The following SORCS2 variants were observed in gnomAD, a reference collection of about 807,000 sequenced individuals.
SORCS2 encodes sortilin related VPS10 domain containing receptor 2, also known as VPS10 domain-containing receptor SorCS2.
SORCS2 carries 100 observed loss-of-function variants against 141.6 expected under a neutral mutation model. That is an observed-to-expected ratio of 0.71 (90% CI 0.60 to 0.83). The LOEUF is 0.83. Among genes scored for constraint, SORCS2 ranks in the 40% least tolerant of loss-of-function variants. The pLI is 0.00. For missense variants in SORCS2, 1,646 were observed against 1,560.2 expected, an observed-to-expected ratio of 1.05 and a Z score of -0.93; for synonymous variants, 789 against 676.9, an observed-to-expected ratio of 1.17 and a Z score of -2.57.
At chr4:7,706,850 A>G (rs1016312820) in intron 14 of SORCS2, among the ~76,000 whole-genome samples, 1 of 152,208 alleles carries the variant, frequency 6.6e-6, no homozygotes, top group Admixed American at 6.5e-5. Context: ...CTGCAGGGCT[A>G]GAGTATGTCC....
intron 14 of SORCS2, among the ~76,000 whole-genome samples, chr4:7,705,590 C>T (rs932943889): frequency 1.3e-5 from 2 of 152,236 alleles, no homozygotes; most frequent in African/African-American, 4.8e-5. Flanking sequence ...GGGCACTGTG[C>T]CCCTCACCCT....
intron 19 of SORCS2, among the ~76,000 whole-genome samples, chr4:7,724,627 A>ATGGTGGTGGTGG (rs765534091): frequency 1.5e-5 from 1 of 67,852 alleles, no homozygotes; most frequent in South Asian, 6.6e-4. Flanking sequence ...GAGGATGGTG[A>ATGGTGGTGGTGG]TGGTGGTGAT....
Position 7,545,828 on chromosome 4 carries a change from G to A in SORCS2, c.648+14199G>A, listed in dbSNP as rs185165589. 1.6e-4 allele frequency among the ~76,000 whole-genome samples: 24 copies of A among 152,322 alleles called. No homozygotes were observed. The East Asian group carries it at 3.9e-3, about 25-fold the overall frequency. ...CGCTCTGCCTCCGTCAGCTCGGATG[G>A]CTCTCACGAAACACTCCAAACTGGG... On this transcript the variant is annotated intron_variant, in intron 3 of 26. Coordinates refer to ENST00000507866, the MANE Select transcript of SORCS2 (RefSeq NM_020777.3).
intron 1 of SORCS2, among the ~76,000 whole-genome samples, chr4:7,383,396 G>A (rs1723107494): frequency 6.6e-6 from 1 of 152,138 alleles, no homozygotes; most frequent in African/African-American, 2.4e-5. Flanking sequence ...TCCTCCCCCT[G>A]CAAGAGGCAG....
rs1721198288 is a variant in SORCS2, at chr4:7,648,127, G to C, written c.814-6007G>C. Among the ~76,000 whole-genome samples, 1 of 152,152 alleles carries C rather than the reference G, an allele frequency of 6.6e-6. No homozygotes were observed. Among genetic ancestry groups the C allele is most frequent in the African/African-American group, 2.4e-5 (1 of 41,440 alleles). ...GCAGGTGGGGTGGCGGGCACCTCTG[G>C]GATTGTGGTTGCAGGACCTGGTGGA... is the stretch of plus-strand genomic sequence containing the variant. On this transcript the variant is annotated intron_variant, in intron 4 of 26. Transcript: ENST00000507866. The surrounding 1 kb of genome is among the most constrained non-coding windows in gnomAD (Gnocchi z 4.2).
At chr4:7,289,098 C>A (rs1716438541) in intron 1 of SORCS2, among the ~76,000 whole-genome samples, 1 of 152,194 alleles carries the variant, frequency 6.6e-6, no homozygotes, top group Non-Finnish European at 1.5e-5. Flanking sequence ...AACACCTGTT[C>A]AGTTCATCCA....
intron 1 of SORCS2, among the ~76,000 whole-genome samples, chr4:7,283,505 G>C (rs1435949322): frequency 6.6e-6 from 1 of 152,150 alleles, no homozygotes; most frequent in Non-Finnish European, 1.5e-5. Flanking sequence ...AGTGATTCCA[G>C]GTTTCCCAGC....
intron 1 of SORCS2, among the ~76,000 whole-genome samples, chr4:7,236,463 G>T (rs1428834837): frequency 1.3e-5 from 2 of 152,132 alleles, no homozygotes; most frequent in African/African-American, 4.8e-5. Flanking sequence ...GACAGGAGGT[G>T]CTGGGGCAGG....
At position 7,664,484 on chromosome 4, in the gene SORCS2, C is replaced by T. The variant is rs1488387643; in HGVS notation, c.1071+13C>T. ...CATCTTCTTTAAGGTAAGGTTGCTT[C>T]TGGGGCTTTTGGAAATTGGCAACAG... On this transcript the variant is annotated intron_variant, in intron 7 of 26. Transcript: ENST00000507866. The surrounding 1 kb of genome is among the most constrained non-coding windows in gnomAD (Gnocchi z 4.7). 6.4e-7 allele frequency: 1 copy of T among 1,571,018 alleles called. No homozygotes were observed. Among genetic ancestry groups the T allele is most frequent in the East Asian group, 2.3e-5 (1 of 43,544 alleles).
chr4:7,739,208 G>T (rs1262283975), intron 26 of SORCS2, among the ~76,000 whole-genome samples: 1 of 152,228 alleles, frequency 6.6e-6, no homozygotes, highest in Non-Finnish European at 1.5e-5. Context: ...CTATACAGCT[G>T]TGTGCCCCCC....
intron 1 of SORCS2, among the ~76,000 whole-genome samples, chr4:7,337,584 G>A (rs1021151352): frequency 1.3e-5 from 2 of 152,184 alleles, no homozygotes; most frequent in Admixed American, 6.5e-5. Flanking sequence ...CAAGGCTGGT[G>A]GTAGTAGGCC....
At chr4:7,374,112 T>A (rs140274344) in intron 1 of SORCS2, among the ~76,000 whole-genome samples, 126 of 35,950 alleles carry the variant, frequency 3.5e-3, no homozygotes, top group African/African-American at 6.4e-3. Context: ...ATTGAGATTC[T>A]TTCTTTCTTT....
intron 2 of SORCS2, among the ~76,000 whole-genome samples, chr4:7,424,362 G>A (rs1337876860): frequency 6.6e-6 from 1 of 152,218 alleles, no homozygotes; most frequent in Non-Finnish European, 1.5e-5. Context: ...TCTCCAGCCT[G>A]GGCTCTCTGG....
chr4:7,538,362 C>A (rs1343536041), intron 3 of SORCS2, among the ~76,000 whole-genome samples: 1 of 152,178 alleles, frequency 6.6e-6, no homozygotes, highest in African/African-American at 2.4e-5. Flanking sequence ...GGGGCCCTGA[C>A]GACCCCCACA....
In SORCS2 at chr4:7,536,840, G is replaced by C. The variant is rs1259763403; in HGVS notation, c.648+5211G>C. ...GTCCCCATACTCAGATGTGGGGGGG[G>C]GGGGCGGGCAGGGCCCACCTCGAGG... On this transcript the variant is annotated intron_variant, in intron 3 of 26. Coordinates refer to ENST00000507866, the MANE Select transcript of SORCS2 (RefSeq NM_020777.3). Among the ~76,000 whole-genome samples the C allele has an allele frequency of 8.4e-3, 383 of 45,678 alleles. 5 individuals carry two copies. The highest frequency in any genetic ancestry group is 0.021 in the Non-Finnish European group (281 of 13,520). 30.0% of individuals were successfully genotyped at this position (45,678 alleles called of 152,430 possible).
intron 3 of SORCS2, among the ~76,000 whole-genome samples, chr4:7,556,821 A>C (rs1714153706): frequency 2.3e-5 from 3 of 131,524 alleles, no homozygotes; most frequent in African/African-American, 3.0e-5. Flanking sequence ...TCATCCATCC[A>C]TCTACCCATC....
chr4:7,739,948 G>A (rs999788655), intron 26 of SORCS2, among the ~76,000 whole-genome samples: 1 of 152,166 alleles, frequency 6.6e-6, no homozygotes, highest in Non-Finnish European at 1.5e-5. Flanking sequence ...GTGGCGGGTT[G>A]GGGCCGGCCT....
At position 7,302,766 on chromosome 4, in the gene SORCS2, C is replaced by CGT. The variant is rs766083519; in HGVS notation, c.481-93522_481-93521insGT. On this transcript the variant is annotated intron_variant, in intron 1 of 26. Coordinates refer to ENST00000507866, the MANE Select transcript of SORCS2 (RefSeq NM_020777.3). ...TGTCCGGCATCTAGTAGACAGTCCA[C>CGT]ATATGTGTGTGTGTGTGTGTGTGCG... is the stretch of plus-strand genomic sequence containing the variant. Among the ~76,000 whole-genome samples, 483 of 51,998 alleles carry CGT rather than the reference C, an allele frequency of 9.3e-3. 3 individuals carry two copies. Among genetic ancestry groups the CGT allele is most frequent in the African/African-American group, 0.019 (461 of 24,142 alleles). 34.1% of individuals were successfully genotyped at this position (51,998 alleles called of 152,430 possible).
chr4:7,669,984 T>C (rs1377087346), intron 8 of SORCS2, among the ~76,000 whole-genome samples: 1 of 152,264 alleles, frequency 6.6e-6, no homozygotes, highest in Admixed American at 6.5e-5. Context: ...TCCATTTTTT[T>C]ATAATTATAA....
Sources: allele counts gnomAD v4.1 joint callset (sites outside exome capture counted in the v4.1 genomes callset), GRCh38; gene constraint gnomAD v4.1.1; non-coding constraint Gnocchi (gnomAD v3.1); transcripts MANE v1.5; gene names NCBI Gene and HGNC (gene_info 2026-07-23, HGNC 2026-07-21).